Variants in PRIMPOL observed in about 807,000 individuals in gnomAD.
PRIMPOL encodes the protein primase and DNA directed polymerase, also known as DNA-directed primase/polymerase protein.
PRIMPOL carries 54 observed loss-of-function variants against 63.6 expected under a neutral mutation model. That is an observed-to-expected ratio of 0.85 (90% CI 0.68 to 1.07). The LOEUF (loss-of-function observed/expected upper bound fraction) is 1.07. Ranked by LOEUF, PRIMPOL falls within the 50% of genes least tolerant of loss-of-function variation. The pLI, the probability that PRIMPOL is intolerant of heterozygous loss-of-function variation, is 0.00. For missense variants in PRIMPOL, 610 were observed against 648.3 expected, an observed-to-expected ratio of 0.94 and a Z score of 0.64; for synonymous variants, 197 against 220.2, an observed-to-expected ratio of 0.89 and a Z score of 0.93.
intron 11 of PRIMPOL, 195 bp from the exon 12 acceptor site, chr4:184,691,304 T>C: frequency 2.0e-6 from 1 of 506,478 alleles, no homozygotes; most frequent in Non-Finnish European, 3.5e-6. Flanking sequence ...GTATCTACTT[T>C]TTGCCCTGCA....
In PRIMPOL at chr4:184,649,801, AC is replaced by A. The variant is rs1412391573; in HGVS notation, c.-244del. 1 of 152,288 alleles carries A rather than the reference AC, an allele frequency of 6.6e-6. No individual in the cohort carries two copies. The highest frequency in any genetic ancestry group is 1.5e-5 in the Non-Finnish European group (1 of 68,114). 9.4% of individuals were successfully genotyped at this position (152,288 alleles called of 1,614,324 possible). A position where few individuals can be genotyped will look rare whatever the true frequency, so the allele number is the denominator to read the frequency against. On this transcript the variant is annotated 5_prime_UTR_variant, in exon 1 of 14. Transcript: ENST00000314970. ...GGATTCTGGAGGGAAATTGAGGGAG[AC>A]TTGGAAACCGCGCCAGGCCCAACGG...
intron 8 of PRIMPOL, among the ~76,000 whole-genome samples, chr4:184,681,075 G>T (rs968413322): frequency 3.3e-5 from 5 of 152,146 alleles, no homozygotes; most frequent in African/African-American, 1.2e-4. Context: ...TCTTACAGAG[G>T]TGGAGGGTTC....
In PRIMPOL at chr4:184,685,441, T is replaced by C. The variant is rs768997976; in HGVS notation, c.1129T>C (p.Tyr377His). Reference sequence around the variant, plus strand: ...CATTGAAGGTTTTCAGTGTTCTCCCTATCCTGAAGTTGATCATTTTGTTCT... The same window carrying C: ...CATTGAAGGTTTTCAGTGTTCTCCCCATCCTGAAGTTGATCATTTTGTTCT... ...ETIEGFQCSP[Y>H]PEVDHFVLSL... is the part of the protein sequence containing the mutation. The change falls in exon 10 of 14, where the codon TAT becomes CAT. Residue 377 changes from tyrosine to histidine, a missense_variant. Around this residue, in one of 3 missense-constraint regions of PRIMPOL, gnomAD observed 444 missense variants for 456.4 expected, o/e 0.97. Coordinates refer to ENST00000314970, the MANE Select transcript of PRIMPOL (RefSeq NM_152683.4). The C allele has an allele frequency of 1.2e-6, 2 of 1,612,902 alleles. No individual in the cohort carries two copies. Among genetic ancestry groups the C allele is most frequent in the Non-Finnish European group, 1.7e-6 (2 of 1,178,888 alleles).
At chr4:184,662,101 T>C (rs1748516617) in intron 5 of PRIMPOL, among the ~76,000 whole-genome samples, 198 bp downstream of exon 5, 1 of 152,194 alleles carries the variant, frequency 6.6e-6, no homozygotes, top group Non-Finnish European at 1.5e-5. Flanking sequence ...TGTGTTCATA[T>C]AGTTTGCAAT....
intron 13 of PRIMPOL, among the ~76,000 whole-genome samples, chr4:184,693,794 C>G (rs553349639): frequency 1.3e-5 from 2 of 152,206 alleles, no homozygotes; most frequent in Non-Finnish European, 2.9e-5. Context: ...GACATCAAAA[C>G]CCTTCATCTA....
intron 2 of PRIMPOL, 75 bp downstream of exon 2, chr4:184,652,175 T>A (rs1175044972): frequency 6.6e-6 from 1 of 152,222 alleles, no homozygotes; most frequent in African/African-American, 2.4e-5. Context: ...CATTATCAAT[T>A]CATTTGGTGA....
At chr4:184,691,606 C>T in intron 12 of PRIMPOL, 25 bp downstream of exon 12, 4 of 1,597,336 alleles carry the variant, frequency 2.5e-6, no homozygotes, top group Non-Finnish European at 3.4e-6. Flanking sequence ...TTTACATTTA[C>T]CACAAAGTAA....
chr4:184,672,048 G>T, intron 6 of PRIMPOL, 125 bp from the exon 7 acceptor site: 1 of 943,550 alleles, frequency 1.1e-6, no homozygotes. Context: ...CAGCAACCCA[G>T]TTTTGAAACC....
rs144246268 is a variant in PRIMPOL at position 184,666,050 on chromosome 4, A to G, written c.542A>G (p.Asp181Gly). The change falls in exon 6 of 14, where the codon GAT (aspartate) becomes GGT (glycine). Residue 181 changes from aspartate to glycine, a missense_variant. By Grantham distance (94) the Asp-to-Gly change is moderately conservative. Transcript: ENST00000314970. Reference protein sequence around the residue: ...IFQLHDVAFKDNIHVGNFLRK... With the variant: ...IFQLHDVAFKGNIHVGNFLRK... ...CAGCTCCATGATGTGGCATTTAAAG[A>G]TAATATTCATGTTGGTAAGTACACG... 28 of 1,605,158 alleles carry G rather than the reference A, an allele frequency of 1.7e-5. No homozygotes were observed. Among genetic ancestry groups the G allele is most frequent in the Admixed American group, 1.7e-5 (1 of 57,908 alleles).
Position 184,694,430 on chromosome 4 carries a change from C to T in PRIMPOL, c.1426-92C>T. ...TCACTTTAGTATCTGTCACTTAATA[C>T]CTTACTTCAACATAGAGTATAAGGT... On this transcript the variant is annotated intron_variant, in intron 13 of 13. Coordinates refer to ENST00000314970, the MANE Select transcript of PRIMPOL (RefSeq NM_152683.4). 4 of 1,482,070 alleles carry T rather than the reference C, an allele frequency of 2.7e-6. No individual in the cohort carries two copies. In the South Asian group the frequency reaches 5.6e-5, roughly 21 times the overall value. 91.8% of individuals were successfully genotyped at this position (1,482,070 alleles called of 1,614,324 possible).
At chr4:184,651,693 G>A (rs1330164508) in intron 1 of PRIMPOL, among the ~76,000 whole-genome samples, 5 of 152,110 alleles carry the variant, frequency 3.3e-5, no homozygotes. Context: ...TTGTTGCCCA[G>A]GCTGGAGTGC....
intron 1 of PRIMPOL, among the ~76,000 whole-genome samples, chr4:184,650,750 A>G (rs1744087923): frequency 6.6e-6 from 1 of 152,204 alleles, no homozygotes. Flanking sequence ...AAAGTTCTTG[A>G]CATTCAGAAG....
chr4:184,689,571 G>GCC (rs70962518), intron 11 of PRIMPOL, among the ~76,000 whole-genome samples: 15 of 150,422 alleles, frequency 1.0e-4, no homozygotes, highest in South Asian at 2.1e-4. Flanking sequence ...TCCTGCCTCA[G>GCC]CCCCCCGAGT....
At chr4:184,673,229 A>T (rs1308801326) in intron 7 of PRIMPOL, among the ~76,000 whole-genome samples, 3 of 149,540 alleles carry the variant, frequency 2.0e-5, no homozygotes, top group Non-Finnish European at 4.4e-5. Flanking sequence ...TCCCGGGTTC[A>T]CGCCATTCTC....
At chr4:184,678,518 T>A (rs534034261) in intron 8 of PRIMPOL, 124 bp downstream of exon 8, 9 of 648,854 alleles carry the variant, frequency 1.4e-5, no homozygotes, top group Admixed American at 4.2e-5. Context: ...TGTCAGTTCT[T>A]ACAGCTCTTT....
chr4:184,691,607 C>T (rs371301097), intron 12 of PRIMPOL, 26 bp downstream of exon 12: 1 of 1,596,592 alleles, frequency 6.3e-7, no homozygotes, highest in Non-Finnish European at 8.6e-7. Flanking sequence ...TTACATTTAC[C>T]ACAAAGTAAA....
At chr4:184,670,931 T>G (rs72689269) in intron 6 of PRIMPOL, among the ~76,000 whole-genome samples, 1 of 152,124 alleles carries the variant, frequency 6.6e-6, no homozygotes, top group Admixed American at 6.5e-5. Flanking sequence ...GGGCCCAAGC[T>G]TTCTGGTAAA....
rs1195331081 is a variant in PRIMPOL at position 184,685,474 on chromosome 4, G to C, written c.1162G>C (p.Val388Leu). The C allele has an allele frequency of 1.2e-6, 2 of 1,611,862 alleles. No homozygotes were observed. Among genetic ancestry groups the C allele is most frequent in the African/African-American group, 1.3e-5 (1 of 74,812 alleles). Reference protein sequence around the residue: ...PEVDHFVLSLVNKDGIKGGIR... With the variant: ...PEVDHFVLSLLNKDGIKGGIR... ...AGTTGATCATTTTGTTCTTTCTTTG[G>C]TGAATAAAGATGGCATTAAAGGAGG... Residue 388 changes from valine (V) to leucine (L), a missense_variant, in exon 10 of 14, where the codon GTG (valine) becomes CTG (leucine). Val to Leu is a conservative substitution (Grantham distance 32). Transcript: ENST00000314970.
rs543453576 is a variant in PRIMPOL, at chr4:184,654,459, T to TTTTTTTGTTTTTG, written c.-60+2365_-60+2366insGTTTTTGTTTTTT. Reference sequence around the variant, plus strand: ...GTATTGACAAGTTAAAGCAGTTTTTTTTTTTTTTTGAGACAGAGTCTCGCT... The same window carrying TTTTTTTGTTTTTG: ...GTATTGACAAGTTAAAGCAGTTTTTTTTTTTTGTTTTTGTTTTTTTTTGAGACAGAGTCTCGCT... On this transcript the variant is annotated intron_variant, in intron 2 of 13. Transcript: ENST00000314970. Among the ~76,000 whole-genome samples, 20 of 145,040 alleles carry TTTTTTTGTTTTTG rather than the reference T, an allele frequency of 1.4e-4. 2 individuals are homozygous for TTTTTTTGTTTTTG. The South Asian group carries it at 4.4e-3, about 32-fold the overall frequency.
Sources: gnomAD v4.1 joint callset for allele counts (sites outside exome capture counted in the v4.1 genomes callset) on GRCh38, gnomAD v4.1.1 for gene constraint, gnomAD v4.1.1 regional missense constraint, MANE v1.5 for transcripts, NCBI Gene and HGNC (gene_info 2026-07-23, HGNC 2026-07-21) for gene names.